SGCZ: variants seen among roughly 807,000 people sequenced by gnomAD.
The protein encoded by SGCZ is sarcoglycan zeta, also known as zeta-sarcoglycan.
SGCZ carries 40 observed loss-of-function variants against 41.3 expected under a neutral mutation model. The ratio of observed to expected loss-of-function variants is 0.97; its 90% CI spans 0.75 to 1.26. The LOEUF (loss-of-function observed/expected upper bound fraction) is 1.26. Among genes scored for constraint, SGCZ ranks in the 50% most tolerant of loss-of-function variants. The pLI is 0.00. For missense variants in SGCZ, 552 were observed against 369.8 expected (o/e 1.49, Z -4.04); for synonymous variants, 206 against 137.5 (o/e 1.50, Z -3.49).
At chr8:15,005,184 T>C (rs1802560283) in intron 1 of SGCZ, among the ~76,000 whole-genome samples, 1 of 152,084 alleles carries the variant, frequency 6.6e-6, no homozygotes, top group Non-Finnish European at 1.5e-5. Flanking sequence ...TCTCTGAATG[T>C]GGAGAGGCAT....
intron 1 of SGCZ, among the ~76,000 whole-genome samples, chr8:14,565,927 AT>A: frequency 6.6e-6 from 1 of 152,260 alleles, no homozygotes; most frequent in East Asian, 1.9e-4. Context: ...ACTTCTTTAC[AT>A]TTTACCAGAT....
At chr8:14,503,719 G>C (rs1802223487) in intron 2 of SGCZ, among the ~76,000 whole-genome samples, 1 of 151,088 alleles carries the variant, frequency 6.6e-6, no homozygotes, top group African/African-American at 2.4e-5. Context: ...AGTGAGCCGA[G>C]ATCACACCAC....
At chr8:14,490,682 C>T (rs989440694) in intron 2 of SGCZ, among the ~76,000 whole-genome samples, 2 of 152,136 alleles carry the variant, frequency 1.3e-5, no homozygotes, top group African/African-American at 4.8e-5. Context: ...TTCTTGAGAA[C>T]AGCTCAGGAA....
intron 4 of SGCZ, among the ~76,000 whole-genome samples, chr8:14,202,429 T>A (rs1805484745): frequency 6.6e-6 from 1 of 152,152 alleles, no homozygotes; most frequent in Admixed American, 6.5e-5. Flanking sequence ...TTTGTGGTAA[T>A]TTGTTGCAGC....
At chr8:14,929,926 T>A (rs1281821072) in intron 1 of SGCZ, among the ~76,000 whole-genome samples, 1 of 151,952 alleles carries the variant, frequency 6.6e-6, no homozygotes, top group Non-Finnish European at 1.5e-5. Context: ...ATTATTGAGT[T>A]TTTACATAAC....
intron 1 of SGCZ, among the ~76,000 whole-genome samples, chr8:14,792,098 TTC>T (rs762369844): frequency 2.0e-5 from 3 of 152,314 alleles, no homozygotes; most frequent in East Asian, 3.9e-4. Context: ...ATTTGACAGA[TTC>T]TGTTTTTTCA....
At chr8:14,540,157 T>C (rs1239517361) in intron 2 of SGCZ, among the ~76,000 whole-genome samples, 1 of 151,686 alleles carries the variant, frequency 6.6e-6, no homozygotes, top group African/African-American at 2.4e-5. Flanking sequence ...GCACAATGCT[T>C]TTCGTTCAAA....
chr8:14,703,266 C>A (rs575399484), intron 1 of SGCZ, among the ~76,000 whole-genome samples: 1 of 152,032 alleles, frequency 6.6e-6, no homozygotes, highest in East Asian at 1.9e-4. Flanking sequence ...CCGTCAACCC[C>A]TTTGCTCACT....
At chr8:14,566,047 G>T (rs1408248014) in intron 1 of SGCZ, among the ~76,000 whole-genome samples, 1 of 152,112 alleles carries the variant, frequency 6.6e-6, no homozygotes, top group African/African-American at 2.4e-5. Flanking sequence ...CACTTATGGA[G>T]ATGAAAGGAC....
At chr8:14,930,803 G>A (rs962309062) in intron 1 of SGCZ, among the ~76,000 whole-genome samples, 2 of 151,848 alleles carry the variant, frequency 1.3e-5, no homozygotes, top group Admixed American at 1.3e-4. Context: ...CACAGGGAGG[G>A]GAACATCACA....
intron 1 of SGCZ, among the ~76,000 whole-genome samples, chr8:14,721,117 T>A (rs977139589): frequency 6.6e-6 from 1 of 152,202 alleles, no homozygotes; most frequent in Admixed American, 6.6e-5. Context: ...AATTATATTT[T>A]CTAGTTGCCT....
At chr8:14,222,503 A>G (rs1806233268) in intron 4 of SGCZ, among the ~76,000 whole-genome samples, 1 of 152,014 alleles carries the variant, frequency 6.6e-6, no homozygotes, top group South Asian at 2.1e-4. Flanking sequence ...TGACCTCCAG[A>G]ATAATCTTAA....
chr8:15,223,319 T>G (rs1207337493), intron 1 of SGCZ, among the ~76,000 whole-genome samples: 1 of 152,152 alleles, frequency 6.6e-6, no homozygotes, highest in African/African-American at 2.4e-5. Context: ...TACAAAAACA[T>G]AGCTTCCCCA....
At chr8:14,485,941 G>A (rs916212737) in intron 2 of SGCZ, among the ~76,000 whole-genome samples, 7 of 145,738 alleles carry the variant, frequency 4.8e-5, no homozygotes, top group Non-Finnish European at 1.0e-4. Context: ...TCCCGGGTTC[G>A]CGCCATTCTC....
At chr8:14,230,846 T>A (rs533343890) in intron 4 of SGCZ, among the ~76,000 whole-genome samples, 7 of 151,868 alleles carry the variant, frequency 4.6e-5, no homozygotes, top group East Asian at 3.9e-4. Flanking sequence ...TATGGTGCAA[T>A]TTTGGAATAA....
chr8:14,631,368 TACTC>T, intron 1 of SGCZ, among the ~76,000 whole-genome samples: 1 of 152,222 alleles, frequency 6.6e-6, no homozygotes, highest in Non-Finnish European at 1.5e-5. Flanking sequence ...GACTTGTACT[TACTC>T]ACGAGAGCCT....
intron 1 of SGCZ, among the ~76,000 whole-genome samples, chr8:14,582,164 A>G (rs903519623): frequency 1.3e-5 from 2 of 152,142 alleles, no homozygotes; most frequent in Admixed American, 6.6e-5. Context: ...GTAAGAATAT[A>G]TTATATATAT....
chr8:14,218,106 AACT>A (rs1210845360), intron 4 of SGCZ, among the ~76,000 whole-genome samples: 1 of 152,194 alleles, frequency 6.6e-6, no homozygotes, highest in Admixed American at 6.5e-5. Flanking sequence ...CTTAACTTTG[AACT>A]GGTCCCCCTA....
At chr8:14,651,815 T>C (rs1311734186) in intron 1 of SGCZ, among the ~76,000 whole-genome samples, 3 of 152,084 alleles carry the variant, frequency 2.0e-5, no homozygotes, top group African/African-American at 7.2e-5. Flanking sequence ...TGTCTAGCCA[T>C]TGCTCCTCAA....
Sources: allele counts gnomAD v4.1 joint callset (sites outside exome capture counted in the v4.1 genomes callset), GRCh38; gene constraint gnomAD v4.1.1; transcripts MANE v1.5; gene names NCBI Gene and HGNC (gene_info 2026-07-23, HGNC 2026-07-21).